KTN1: variants seen among roughly 807,000 people sequenced by gnomAD.
KTN1 encodes kinectin 1.
In KTN1, 130 loss-of-function variants were observed where a neutral mutation model predicts 222.5. That is an observed-to-expected ratio of 0.58 (90% CI 0.51 to 0.68). The LOEUF (loss-of-function observed/expected upper bound fraction) is 0.68. Ranked by LOEUF, KTN1 falls within the 30% of genes least tolerant of loss-of-function variation. KTN1 has a pLI of 0.00. For missense variants in KTN1, 1,508 were observed against 1,500.4 expected, an observed-to-expected ratio of 1.01 and a Z score of -0.08; for synonymous variants, 512 against 496.3, an observed-to-expected ratio of 1.03 and a Z score of -0.42.
intron 28 of KTN1, among the ~76,000 whole-genome samples, chr14:55,654,634 A>G (rs1425587545): frequency 1.3e-5 from 2 of 152,050 alleles, no homozygotes; most frequent in South Asian, 2.1e-4. Flanking sequence ...AGAAATACCA[A>G]TTCTCCCTAT....
Position 55,618,151 on chromosome 14 carries a change from A to G in KTN1, c.832+17A>G. ...CTGACAAAGGTAATATATGGGATTT[A>G]TAGTCTTTGTTGTACTATAAAAACA... On this transcript the variant is annotated intron_variant, in intron 4 of 43. Coordinates refer to ENST00000395314, the MANE Select transcript of KTN1 (RefSeq NM_001079521.2). The G allele has an allele frequency of 1.3e-6, 2 of 1,591,864 alleles. No individual in the cohort carries two copies. The highest frequency in any genetic ancestry group is 1.3e-5 in the African/African-American group (1 of 74,346).
rs375752714 is a variant in KTN1 at position 55,648,675 on chromosome 14, AG to A, written c.2299-126del. 493 of 684,602 alleles carry A rather than the reference AG, an allele frequency of 7.2e-4. 4 individuals are homozygous for A. Among genetic ancestry groups the A allele is most frequent in the East Asian group, 6.7e-3 (246 of 36,738 alleles). 42.4% of individuals were successfully genotyped at this position (684,602 alleles called of 1,614,324 possible). On this transcript the variant is annotated intron_variant, in intron 20 of 43. Coordinates refer to ENST00000395314, the MANE Select transcript of KTN1 (RefSeq NM_001079521.2). ...TTACAGAATTATAGACATGGAAAAA[AG>A]TGAGAGTTTTGGGCCTTCCAGAGTA...
chr14:55,585,131 C>CA (rs752597184), intron 1 of KTN1, among the ~76,000 whole-genome samples: 4,573 of 53,648 alleles, frequency 0.085, 221 homozygotes, highest in Middle Eastern at 0.16. Context: ...GACTGTGTCT[C>CA]AAAAAAAAAA....
At chr14:55,642,385 A>C (rs536084488) in intron 18 of KTN1, among the ~76,000 whole-genome samples, 2 of 152,266 alleles carry the variant, frequency 1.3e-5, no homozygotes, top group South Asian at 4.1e-4. Flanking sequence ...ATAGCAAGAC[A>C]TCAAAACTAT....
At chr14:55,639,116 T>TA in intron 12 of KTN1, 69 bp from the exon 13 acceptor site, 3 of 1,007,710 alleles carry the variant, frequency 3.0e-6, no homozygotes, top group Non-Finnish European at 4.7e-6. Context: ...TTAAAGCTGT[T>TA]ATGATTATTG....
At chr14:55,626,716 CTG>C (rs1480502452) in intron 5 of KTN1, among the ~76,000 whole-genome samples, 1 of 151,906 alleles carries the variant, frequency 6.6e-6, no homozygotes, top group African/African-American at 2.4e-5. Flanking sequence ...TCCTTGGGGA[CTG>C]TGTATGTAAA....
At chr14:55,638,972 T>A (rs1320454973) in intron 12 of KTN1, among the ~76,000 whole-genome samples, 1 of 151,862 alleles carries the variant, frequency 6.6e-6, no homozygotes, top group Non-Finnish European at 1.5e-5. Flanking sequence ...CTAAATGTCT[T>A]GTGATATGTA....
In KTN1 at chr14:55,671,649, A is replaced by C. The variant is rs1337952546; in HGVS notation, c.3432A>C (p.Ala1144=). Residue 1144 remains alanine (A), a synonymous_variant, in exon 36 of 44, where the codon GCA becomes GCC. Coordinates refer to ENST00000395314, the MANE Select transcript of KTN1 (RefSeq NM_001079521.2). ...GTGAAAAATACAAATCCGTCCTTGC[A>C]GAAACAGTAGGAAATGATTTTTAAT... is the stretch of plus-strand genomic sequence containing the variant. ...LECEKYKSVL[A]ETEGILQKLQ... is the part of the protein sequence containing the mutation. The C allele has an allele frequency of 3.7e-6, 6 of 1,607,534 alleles. No homozygotes were observed. The highest frequency in any genetic ancestry group is 5.1e-6 in the Non-Finnish European group (6 of 1,175,630).
intron 4 of KTN1, 69 bp downstream of exon 4, chr14:55,618,203 G>T (rs780101763): frequency 8.7e-7 from 1 of 1,151,388 alleles, no homozygotes; most frequent in Non-Finnish European, 1.2e-6. Context: ...TGGAGTCATA[G>T]ATTTCATTTT....
intron 12 of KTN1, 149 bp downstream of exon 12, chr14:55,637,996 C>A: frequency 1.7e-6 from 1 of 577,198 alleles, no homozygotes; most frequent in African/African-American, 1.9e-5. Context: ...TAAACACTTG[C>A]TAATTATGTA....
At chr14:55,650,911 A>C (rs985505307) in intron 24 of KTN1, among the ~76,000 whole-genome samples, 6 of 152,148 alleles carry the variant, frequency 3.9e-5, no homozygotes, top group African/African-American at 1.4e-4. Flanking sequence ...AACACGAAAC[A>C]GTTTGGCAAT....
intron 10 of KTN1, among the ~76,000 whole-genome samples, chr14:55,636,779 G>T (rs1391157520): frequency 1.3e-5 from 2 of 151,888 alleles, no homozygotes; most frequent in Non-Finnish European, 1.5e-5. Context: ...AGGTTAATGG[G>T]ATCCTGGCTG....
chr14:55,673,723 C>A (rs1349777421), intron 40 of KTN1: 2 of 152,684 alleles, frequency 1.3e-5, no homozygotes, highest in South Asian at 4.1e-4. Context: ...AACCTAGTCT[C>A]TCTATATATT....
intron 28 of KTN1, 147 bp from the exon 29 acceptor site, chr14:55,655,895 T>A (rs4901595): frequency 1 from 476,850 of 476,854 alleles, 238,423 homozygotes; most frequent in Middle Eastern, 1. Flanking sequence ...AATATCTTTT[T>A]AAACAAACTT....
chr14:55,581,377 C>T (rs1227590150), intron 1 of KTN1, among the ~76,000 whole-genome samples: 3 of 152,184 alleles, frequency 2.0e-5, no homozygotes, highest in Non-Finnish European at 4.4e-5. Context: ...TGTTGGCAAA[C>T]GGATTCCTTA....
At chr14:55,639,637 CA>C (rs1308477566) in intron 13 of KTN1, among the ~76,000 whole-genome samples, 1 of 151,758 alleles carries the variant, frequency 6.6e-6, no homozygotes, top group Admixed American at 6.6e-5. Flanking sequence ...TTTGCATGGA[CA>C]CTGATCACTT....
chr14:55,670,905 C>T (rs149865299), intron 35 of KTN1, 96 bp downstream of exon 35: 74 of 734,822 alleles, frequency 1.0e-4, no homozygotes, highest in East Asian at 7.7e-4. Flanking sequence ...AAAAGATAAT[C>T]GAATAAGGCT....
chr14:55,598,103 A>G (rs192709579), intron 1 of KTN1, among the ~76,000 whole-genome samples: 11 of 152,244 alleles, frequency 7.2e-5, no homozygotes, highest in Non-Finnish European at 1.6e-4. Context: ...ATTAGAGAAA[A>G]GCAAAGGTCA....
intron 18 of KTN1, chr14:55,644,460 A>T: frequency 1.4e-6 from 1 of 701,150 alleles, no homozygotes; most frequent in Middle Eastern, 2.3e-4. Context: ...TAACCTGTTG[A>T]TACCCTAAAG....
Sources: allele counts gnomAD v4.1 joint callset (sites outside exome capture counted in the v4.1 genomes callset), GRCh38; gene constraint gnomAD v4.1.1; transcripts MANE v1.5; gene names NCBI Gene and HGNC (gene_info 2026-07-23, HGNC 2026-07-21).